Variants in SLC1A2 observed in about 807,000 individuals in gnomAD.
SLC1A2 encodes solute carrier family 1 member 2, also known as excitatory amino acid transporter 2.
A neutral mutation model predicts 48.8 loss-of-function variants in SLC1A2; 15 were observed. That is an observed-to-expected ratio of 0.31 (90% CI 0.21 to 0.47). The LOEUF (loss-of-function observed/expected upper bound fraction) is 0.47, where lower values mean the gene tolerates loss of function less well. Among genes scored for constraint, SLC1A2 ranks in the 20% least tolerant of loss-of-function variants. SLC1A2 has a pLI of 0.99. For missense variants in SLC1A2, 502 were observed against 730.5 expected, an observed-to-expected ratio of 0.69 and a Z score of 3.61; for synonymous variants, 279 against 272.6, an observed-to-expected ratio of 1.02 and a Z score of -0.23.
In SLC1A2 at chr11:35,286,963, G is replaced by A. The variant is rs779730774; in HGVS notation, c.1092-12C>T. 1.1e-5 allele frequency: 17 copies of A among 1,608,840 alleles called. No individual in the cohort carries two copies. Among genetic ancestry groups the A allele is most frequent in the Non-Finnish European group, 1.4e-5 (17 of 1,175,588 alleles). On this transcript the variant is annotated splice_polypyrimidine_tract_variant and intron_variant, in intron 7 of 10. Transcript: ENST00000278379. Reference sequence around the variant, plus strand: ...GCAAAGTTCCAGCACTGAGAACAAAGAGAAAGAGAGAGACAGGGTTATGTC... The same window carrying A: ...GCAAAGTTCCAGCACTGAGAACAAAAAGAAAGAGAGAGACAGGGTTATGTC...
rs1436202928 is a variant in SLC1A2 at position 35,253,145 on chromosome 11, T to C, written c.*7749A>G. 2 of 152,178 alleles carry C rather than the reference T, an allele frequency of 1.3e-5. No individual in the cohort carries two copies. Among genetic ancestry groups the C allele is most frequent in the African/African-American group, 4.8e-5 (2 of 41,454 alleles). The allele number at this position is 152,178 out of a possible 1,614,324, so 9.4% of individuals were successfully genotyped here. A position where few individuals can be genotyped will look rare whatever the true frequency, so the allele number is the denominator to read the frequency against. On this transcript the variant is annotated 3_prime_UTR_variant, in exon 11 of 11. Transcript: ENST00000278379. ...TCGGGGAAGTTATATAGTCTGTTAT[T>C]CACCTGAGGACAGAAACTACCTGGG...
chr11:35,264,097 G>C (rs770805764), intron 10 of SLC1A2: 10 of 152,158 alleles, frequency 6.6e-5, no homozygotes, highest in African/African-American at 9.7e-5. Context: ...CATTTTCACT[G>C]AGTCAATTAA....
rs939928057 is a variant in SLC1A2, at chr11:35,251,227, G to C, written c.*9667C>G. Reference sequence around the variant, plus strand: ...AAATAAATTGAAATCCACATTTATTGATGAGAGATATATACACAAAAGTTA... The same window carrying C: ...AAATAAATTGAAATCCACATTTATTCATGAGAGATATATACACAAAAGTTA... On this transcript the variant is annotated 3_prime_UTR_variant, in exon 11 of 11. Transcript: ENST00000278379. 1 of 152,610 alleles carries C rather than the reference G, an allele frequency of 6.6e-6. No individual in the cohort carries two copies. Among genetic ancestry groups the C allele is most frequent in the African/African-American group, 2.4e-5 (1 of 41,438 alleles). The allele number at this position is 152,610 out of a possible 1,614,324, so 9.5% of individuals were successfully genotyped here. A position where few individuals can be genotyped will look rare whatever the true frequency, so the allele number is the denominator to read the frequency against.
chr11:35,411,581 G>A (rs1590291144), intron 1 of SLC1A2, among the ~76,000 whole-genome samples: 1 of 152,196 alleles, frequency 6.6e-6, no homozygotes, highest in East Asian at 1.9e-4. Flanking sequence ...TCAGCCTCCC[G>A]AATAGCTAGG....
rs1950379214 is a variant in SLC1A2 at position 35,260,643 on chromosome 11, C to T, written c.*251G>A. The stretch of plus-strand genomic sequence containing the variant: ...ACGTGTCTTCAATTCCAACTGATTC[C>T]TCCAGCAGCATCCATTCAAATAATA... On this transcript the variant is annotated 3_prime_UTR_variant, in exon 11 of 11. Transcript: ENST00000278379. 1 of 462,780 alleles carries T rather than the reference C, an allele frequency of 2.2e-6. No individual in the cohort carries two copies. The highest frequency in any genetic ancestry group is 3.6e-5 in the Admixed American group (1 of 27,728). The allele number at this position is 462,780 out of a possible 1,614,324, so 28.7% of individuals were successfully genotyped here. A position where few individuals can be genotyped will look rare whatever the true frequency, so the allele number is the denominator to read the frequency against.
intron 1 of SLC1A2, among the ~76,000 whole-genome samples, chr11:35,368,367 C>T (rs1853933152): frequency 6.6e-6 from 1 of 152,224 alleles, no homozygotes; most frequent in Admixed American, 6.5e-5. Flanking sequence ...CTAAACCTCC[C>T]TGAGCTTCTC....
chr11:35,360,916 C>T (rs1853658343), intron 1 of SLC1A2, among the ~76,000 whole-genome samples: 1 of 151,814 alleles, frequency 6.6e-6, no homozygotes, highest in African/African-American at 2.4e-5. Flanking sequence ...CATTCTGTTG[C>T]CCACGCTGGA....
intron 9 of SLC1A2, among the ~76,000 whole-genome samples, chr11:35,274,374 G>A (rs1208910312): frequency 6.6e-6 from 1 of 152,170 alleles, no homozygotes; most frequent in Non-Finnish European, 1.5e-5. Flanking sequence ...GTGGAAAAGG[G>A]GCCACATTCC....
chr11:35,343,031 A>G (rs2421764), intron 1 of SLC1A2, among the ~76,000 whole-genome samples: 1 of 151,950 alleles, frequency 6.6e-6, no homozygotes, highest in Non-Finnish European at 1.5e-5. Flanking sequence ...AGTTTGCAAG[A>G]GGGACTTCTA....
In SLC1A2 at chr11:35,253,507, G is replaced by C. The variant is rs1273810174; in HGVS notation, c.*7387C>G. On this transcript the variant is annotated 3_prime_UTR_variant, in exon 11 of 11. Transcript: ENST00000278379. ...TTGTCTTTGATAGTCTTAGAGAAAAGCAAAATGAGAATGCTCAGCTGGAAA... is the reference window on the plus strand; with the variant it reads ...TTGTCTTTGATAGTCTTAGAGAAAACCAAAATGAGAATGCTCAGCTGGAAA... 1 of 152,528 alleles carries C rather than the reference G, an allele frequency of 6.6e-6. No individual in the cohort carries two copies. Among genetic ancestry groups the C allele is most frequent in the Non-Finnish European group, 1.5e-5 (1 of 68,008 alleles). 9.4% of individuals were successfully genotyped at this position (152,528 alleles called of 1,614,324 possible).
At chr11:35,300,926 G>A (rs1851333878) in intron 6 of SLC1A2, among the ~76,000 whole-genome samples, 1 of 152,120 alleles carries the variant, frequency 6.6e-6, no homozygotes, top group African/African-American at 2.4e-5. Flanking sequence ...GGCTGAGGTG[G>A]GAGGATCACT....
chr11:35,255,104 C>A lies in SLC1A2; in HGVS notation c.*5790G>T. 3.6e-6 allele frequency: 1 copy of A among 274,624 alleles called. No homozygotes were observed. The highest frequency in any genetic ancestry group is 7.1e-6 in the Non-Finnish European group (1 of 140,610). 17.0% of individuals were successfully genotyped at this position (274,624 alleles called of 1,614,324 possible). On this transcript the variant is annotated 3_prime_UTR_variant, in exon 11 of 11. Transcript: ENST00000278379. ...CTTTCAGTCCTAGCTTTACATCTTG[C>A]CCTTGCAAACCTGAAGAGCTGAAGT... is the stretch of plus-strand genomic sequence containing the variant.
chr11:35,390,455 G>A (rs1015101366), intron 1 of SLC1A2, among the ~76,000 whole-genome samples: 2 of 152,088 alleles, frequency 1.3e-5, no homozygotes, highest in African/African-American at 4.8e-5. Flanking sequence ...TTGGCCTGCA[G>A]TTTGAGAAGC....
intron 6 of SLC1A2, among the ~76,000 whole-genome samples, chr11:35,296,107 A>G (rs1009132540): frequency 1.3e-5 from 2 of 152,240 alleles, no homozygotes; most frequent in Non-Finnish European, 2.9e-5. Context: ...TTACTTGGTG[A>G]CCTTCTGGAA....
chr11:35,375,724 A>C (rs1854205051), intron 1 of SLC1A2, among the ~76,000 whole-genome samples: 1 of 152,244 alleles, frequency 6.6e-6, no homozygotes, highest in African/African-American at 2.4e-5. Context: ...TCAGCAGGTC[A>C]CTGGGCCTGG....
chr11:35,383,518 C>T (rs1372811586), intron 1 of SLC1A2, among the ~76,000 whole-genome samples: 2 of 152,166 alleles, frequency 1.3e-5, no homozygotes, highest in African/African-American at 4.8e-5. Context: ...TCTGGTTCTG[C>T]TCCTCACTAG....
chr11:35,390,410 T>A (rs896509235), intron 1 of SLC1A2, among the ~76,000 whole-genome samples: 2 of 152,184 alleles, frequency 1.3e-5, no homozygotes, highest in Non-Finnish European at 2.9e-5. Context: ...TGATTTTTTT[T>A]AAGTAAGTTG....
intron 4 of SLC1A2, among the ~76,000 whole-genome samples, chr11:35,311,928 G>T (rs1289751510): frequency 8.9e-5 from 2 of 22,498 alleles, no homozygotes; most frequent in Non-Finnish European, 1.3e-4. Flanking sequence ...GAGAGGCGGG[G>T]GGGGGGGGTG....
chr11:35,371,409 C>G (rs1854059370), intron 1 of SLC1A2, among the ~76,000 whole-genome samples: 1 of 152,200 alleles, frequency 6.6e-6, no homozygotes, highest in Non-Finnish European at 1.5e-5. Flanking sequence ...CATCTGTCAA[C>G]TACAATGACT....
Sources: allele counts gnomAD v4.1 joint callset (sites outside exome capture counted in the v4.1 genomes callset), GRCh38; gene constraint gnomAD v4.1.1; transcripts MANE v1.5; gene names NCBI Gene and HGNC (gene_info 2026-07-23, HGNC 2026-07-21).